Variants in C1orf50 observed in about 807,000 individuals in gnomAD.
C1orf50 encodes the protein chromosome 1 open reading frame 50, also known as uncharacterized protein C1orf50.
A neutral mutation model predicts 23.3 loss-of-function variants in C1orf50; 22 were observed. The ratio of observed to expected loss-of-function variants is 0.94; its 90% CI spans 0.67 to 1.35. The LOEUF is 1.35. Among genes scored for constraint, C1orf50 ranks in the 40% most tolerant of loss-of-function variants. The pLI is 0.00. For missense variants in C1orf50, 271 were observed against 249.4 expected, an observed-to-expected ratio of 1.09 and a Z score of -0.58; for synonymous variants, 96 against 102.4, an observed-to-expected ratio of 0.94 and a Z score of 0.38.
At chr1:42,768,205 CT>C (rs1428578904) in intron 2 of C1orf50, among the ~76,000 whole-genome samples, 3 of 152,222 alleles carry the variant, frequency 2.0e-5, no homozygotes, top group Non-Finnish European at 2.9e-5. Flanking sequence ...ACTTTTGATA[CT>C]AACTTGCAGT....
intron 2 of C1orf50, among the ~76,000 whole-genome samples, chr1:42,772,391 GT>G (rs1653241613): frequency 6.6e-6 from 1 of 152,198 alleles, no homozygotes; most frequent in South Asian, 2.1e-4. Flanking sequence ...TAAGGTGGAA[GT>G]TTTTGACAGA....
At chr1:42,769,222 T>C (rs1283699230) in intron 2 of C1orf50, among the ~76,000 whole-genome samples, 4 of 151,180 alleles carry the variant, frequency 2.6e-5, no homozygotes, top group Non-Finnish European at 5.9e-5. Context: ...TACTCCAGAA[T>C]TGGTGACAGA....
At chr1:42,770,808 TA>T (rs1232035672) in intron 2 of C1orf50, among the ~76,000 whole-genome samples, 2 of 152,194 alleles carry the variant, frequency 1.3e-5, no homozygotes, top group Non-Finnish European at 2.9e-5. Context: ...GCTCTCTTTT[TA>T]AACCCTGTTC....
chr1:42,775,393 G>A lies in C1orf50; in HGVS notation c.599G>A (p.Ter200=). 6.3e-7 allele frequency: 1 copy of A among 1,580,816 alleles called. No individual in the cohort carries two copies. The highest frequency in any genetic ancestry group is 8.7e-7 in the Non-Finnish European group (1 of 1,153,744). ...TEPNFQGLTH[*] ...CCCAACTTCCAGGGACTGACTCACT[G>A]AGAGTGGGCTTTGACAAACAGCTCT... Residue 200 remains the stop codon, a stop_retained_variant, in exon 5 of 5, where the codon TGA becomes TAA. Transcript: ENST00000372525.
chr1:42,767,614 A>G lies in C1orf50; in HGVS notation c.185A>G (p.Gln62Arg), dbSNP rs1420069759. ...TTAGACCTCGTGGCGCTCGCAGAGC[A>G]GGTGCAGAAGGTGAGGAGGCGCGGC... is the stretch of plus-strand genomic sequence containing the variant. Reference protein sequence around the residue: ...DPLDLVALAEQVQKADEFIRA... With the variant: ...DPLDLVALAERVQKADEFIRA... The change falls in exon 2 of 5, where the codon CAG (glutamine) becomes CGG (arginine). Residue 62 changes from glutamine to arginine, a missense_variant. By Grantham distance (43) the Gln-to-Arg change is conservative (BLOSUM62 1). Transcript: ENST00000372525. 1 of 1,610,946 alleles carries G rather than the reference A, an allele frequency of 6.2e-7. No individual in the cohort carries two copies.
In C1orf50 at chr1:42,779,465, A is replaced by C. The variant is rs1653407793; in HGVS notation, c.*4071A>C. 1 of 152,110 alleles carries C rather than the reference A, an allele frequency of 6.6e-6. No individual in the cohort carries two copies. The highest frequency in any genetic ancestry group is 2.1e-4 in the South Asian group (1 of 4,826). The allele number at this position is 152,110 out of a possible 1,614,324, so 9.4% of individuals were successfully genotyped here. Reference sequence around the variant, plus strand: ...AGTACAATCGATTGCCATCTTGTTAATAAAATGTCAGAGGGATTAGAGGAA... The same window carrying C: ...AGTACAATCGATTGCCATCTTGTTACTAAAATGTCAGAGGGATTAGAGGAA... On this transcript the variant is annotated 3_prime_UTR_variant, in exon 5 of 5. Coordinates refer to ENST00000372525, the MANE Select transcript of C1orf50 (RefSeq NM_024097.4).
In C1orf50 at chr1:42,767,500, G is replaced by C; in HGVS notation, c.80-9G>C. The C allele has an allele frequency of 6.4e-7, 1 of 1,561,860 alleles. No individual in the cohort carries two copies. Among genetic ancestry groups the C allele is most frequent in the Non-Finnish European group, 8.7e-7 (1 of 1,153,462 alleles). On this transcript the variant is annotated splice_polypyrimidine_tract_variant and intron_variant, in intron 1 of 4. Coordinates refer to ENST00000372525, the MANE Select transcript of C1orf50 (RefSeq NM_024097.4). ...GCTCACGGCTTGTGTTCCTGGGTGT[G>C]TGTCGCAGGAGCCCTGGTGGAGCTC...
In C1orf50 at chr1:42,773,590, A is replaced by G; in HGVS notation, c.223A>G (p.Thr75Ala). Residue 75 changes from threonine (T) to alanine (A), a missense_variant, in exon 3 of 5, where the codon ACC becomes GCC. Thr to Ala is a moderately conservative substitution (Grantham distance 58). Transcript: ENST00000372525. The stretch of plus-strand genomic sequence containing the variant: ...TGATGAATTCATCCGAGCAAATGCC[A>G]CCAACAAGCTGACAGTCATAGCTGA... ...KADEFIRANA[T>A]NKLTVIAEQI... 1 of 1,613,138 alleles carries G rather than the reference A, an allele frequency of 6.2e-7. No homozygotes were observed. Among genetic ancestry groups the G allele is most frequent in the Middle Eastern group, 1.7e-4 (1 of 6,056 alleles).
At chr1:42,774,308 A>G (rs749753211) in intron 3 of C1orf50, among the ~76,000 whole-genome samples, 4 of 150,164 alleles carry the variant, frequency 2.7e-5, no homozygotes, top group Non-Finnish European at 5.9e-5. Flanking sequence ...GCTCACTGCA[A>G]CCTCTGCCCC....
chr1:42,767,898 A>C (rs556093419), intron 2 of C1orf50, among the ~76,000 whole-genome samples: 3 of 152,250 alleles, frequency 2.0e-5, no homozygotes, highest in South Asian at 4.1e-4. Context: ...TTTCATTTGC[A>C]CCTTAGGACA....
In C1orf50 at chr1:42,768,251, A is replaced by G. The variant is rs1653130824; in HGVS notation, c.195+627A>G. On this transcript the variant is annotated intron_variant, in intron 2 of 4. Coordinates refer to ENST00000372525, the MANE Select transcript of C1orf50 (RefSeq NM_024097.4). ...GGCAGATTACTTCTCTCTGGACCTCAACTATTTTATCTGTGAAGTGAAAGG... is the reference window on the plus strand; with the variant it reads ...GGCAGATTACTTCTCTCTGGACCTCGACTATTTTATCTGTGAAGTGAAAGG... Among the ~76,000 whole-genome samples, 5 of 152,352 alleles carry G rather than the reference A, an allele frequency of 3.3e-5. 1 individual carries two copies. The South Asian group carries it at 1.0e-3, about 32-fold the overall frequency.
chr1:42,774,987 G>A (rs1653305570), intron 4 of C1orf50, 119 bp downstream of exon 4: 1 of 1,281,164 alleles, frequency 7.8e-7, no homozygotes, highest in Non-Finnish European at 1.1e-6. Context: ...TGGGGGTGAT[G>A]TGAGCCCAGA....
chr1:42,769,371 C>A (rs1440733496), intron 2 of C1orf50, among the ~76,000 whole-genome samples: 2 of 151,160 alleles, frequency 1.3e-5, no homozygotes, highest in Admixed American at 6.6e-5. Context: ...CATGTGAAAC[C>A]CTGTCTCTAC....
rs1653359735 is a variant in C1orf50, at chr1:42,777,298, G to T, written c.*1904G>T. On this transcript the variant is annotated 3_prime_UTR_variant, in exon 5 of 5. Coordinates refer to ENST00000372525, the MANE Select transcript of C1orf50 (RefSeq NM_024097.4). ...TTTAGTAGAGACAGGGTTTCACCATGTTGGCCAGGAGGGTCTCTATCTCTT... is the reference window on the plus strand; with the variant it reads ...TTTAGTAGAGACAGGGTTTCACCATTTTGGCCAGGAGGGTCTCTATCTCTT... The T allele has an allele frequency of 6.6e-6, 1 of 152,228 alleles. No individual in the cohort carries two copies. Among genetic ancestry groups the T allele is most frequent in the South Asian group, 2.1e-4 (1 of 4,826 alleles). The allele number at this position is 152,228 out of a possible 1,614,324, so 9.4% of individuals were successfully genotyped here. A position where few individuals can be genotyped will look rare whatever the true frequency, so the allele number is the denominator to read the frequency against.
chr1:42,773,220 A>G, intron 2 of C1orf50: 1 of 176,276 alleles, frequency 5.7e-6, no homozygotes, highest in Non-Finnish European at 1.2e-5. Flanking sequence ...GGAGGAGAGG[A>G]TATATTCAGT....
In C1orf50 at chr1:42,773,885, T is replaced by C. The variant is rs551642284; in HGVS notation, c.282+236T>C. Among the ~76,000 whole-genome samples the C allele has an allele frequency of 3.3e-5, 5 of 152,314 alleles. No individual in the cohort carries two copies. In the East Asian group the frequency reaches 9.6e-4, roughly 29 times the overall value. On this transcript the variant is annotated intron_variant, in intron 3 of 4. Coordinates refer to ENST00000372525, the MANE Select transcript of C1orf50 (RefSeq NM_024097.4). Reference sequence around the variant, plus strand: ...TTGCCCAGGCTGGAGTGCAGTGGCATGGTCTCAGCTCACTGCAGCCTCTGC... The same window carrying C: ...TTGCCCAGGCTGGAGTGCAGTGGCACGGTCTCAGCTCACTGCAGCCTCTGC...
Position 42,775,557 on chromosome 1 carries a change from G to A in C1orf50, c.*163G>A, listed in dbSNP as rs1454642317. 8.7e-6 allele frequency: 5 copies of A among 574,444 alleles called. No individual in the cohort carries two copies. Among genetic ancestry groups the A allele is most frequent in the Non-Finnish European group, 1.5e-5 (5 of 339,500 alleles). The allele number at this position is 574,444 out of a possible 1,614,324, so 35.6% of individuals were successfully genotyped here. ...GTCATTATGACTTTTAATTGGGATGGGAATAATCATTGAGACAGAGTCACT... is the reference window on the plus strand; with the variant it reads ...GTCATTATGACTTTTAATTGGGATGAGAATAATCATTGAGACAGAGTCACT... On this transcript the variant is annotated 3_prime_UTR_variant, in exon 5 of 5. Coordinates refer to ENST00000372525, the MANE Select transcript of C1orf50 (RefSeq NM_024097.4).
In C1orf50 at chr1:42,779,131, A is replaced by G. The variant is rs374247688; in HGVS notation, c.*3737A>G. The G allele has an allele frequency of 2.6e-5, 4 of 152,252 alleles. No homozygotes were observed. The highest frequency in any genetic ancestry group is 7.2e-5 in the African/African-American group (3 of 41,540). 9.4% of individuals were successfully genotyped at this position (152,252 alleles called of 1,614,324 possible). On this transcript the variant is annotated 3_prime_UTR_variant, in exon 5 of 5. Transcript: ENST00000372525. Reference sequence around the variant, plus strand: ...AGTGGCTCACGCCTGTAATCCCAGCACTTTGGGCGGCTGAGGCGGGCGGAT... The same window carrying G: ...AGTGGCTCACGCCTGTAATCCCAGCGCTTTGGGCGGCTGAGGCGGGCGGAT...
rs556951588 is a variant in C1orf50, at chr1:42,777,456, G to A, written c.*2062G>A. 1 of 152,378 alleles carries A rather than the reference G, an allele frequency of 6.6e-6. No homozygotes were observed. Among genetic ancestry groups the A allele is most frequent in the African/African-American group, 2.4e-5 (1 of 41,564 alleles). 9.4% of individuals were successfully genotyped at this position (152,378 alleles called of 1,614,324 possible). ...TTCCACTAGCTGACTGTTGGCTGGA[G>A]GTTGCCCTCACTTCCTTGCCACACG... On this transcript the variant is annotated 3_prime_UTR_variant, in exon 5 of 5. Coordinates refer to ENST00000372525, the MANE Select transcript of C1orf50 (RefSeq NM_024097.4).
Sources: allele counts gnomAD v4.1 joint callset (sites outside exome capture counted in the v4.1 genomes callset), GRCh38; gene constraint gnomAD v4.1.1; transcripts MANE v1.5; gene names NCBI Gene and HGNC (gene_info 2026-07-23, HGNC 2026-07-21).